The following CSMD1 variants were observed in gnomAD, a reference collection of about 807,000 sequenced individuals.
CSMD1 encodes the protein CUB and sushi domain-containing protein 1.
Under a neutral mutation model 417.5 loss-of-function variants are expected in CSMD1, and 213 were observed. The observed-to-expected ratio is 0.51, with a 90% CI of 0.46 to 0.57. CSMD1 has a LOEUF of 0.57. Ranked by LOEUF, CSMD1 falls within the 20% of genes least tolerant of loss-of-function variation. CSMD1 has a pLI of 0.00. For missense variants in CSMD1, 6,923 were observed against 4,529.7 expected, an observed-to-expected ratio of 1.53 and a Z score of -15.17; for synonymous variants, 2,862 against 1,736.8, an observed-to-expected ratio of 1.65 and a Z score of -16.11.
At chr8:3,875,215 G>C (rs541820193) in intron 5 of CSMD1, among the ~76,000 whole-genome samples, 19 of 152,248 alleles carry the variant, frequency 1.2e-4, no homozygotes, top group African/African-American at 4.6e-4. Flanking sequence ...CCATTCGGGA[G>C]CCACCACAAT....
At chr8:4,795,252 CTTTTTTTTT>C (rs571984359) in intron 1 of CSMD1, among the ~76,000 whole-genome samples, 1,325 of 46,226 alleles carry the variant, frequency 0.029, 167 homozygotes, top group African/African-American at 0.09. Context: ...GGTGTCATAG[CTTTTTTTTT>C]TTTTTTTTTT....
chr8:3,656,410 T>C, intron 7 of CSMD1, among the ~76,000 whole-genome samples: 1 of 152,156 alleles, frequency 6.6e-6, no homozygotes, highest in East Asian at 1.9e-4. Context: ...TCTCAGTGCA[T>C]CACCTATACA....
intron 1 of CSMD1, among the ~76,000 whole-genome samples, chr8:4,641,149 T>C (rs77009850): frequency 6.6e-6 from 1 of 151,398 alleles, no homozygotes; most frequent in African/African-American, 2.4e-5. Context: ...GATACCAAAA[T>C]ACACATCACA....
chr8:3,170,611 C>T (rs1395042636), intron 37 of CSMD1, among the ~76,000 whole-genome samples: 1 of 152,188 alleles, frequency 6.6e-6, no homozygotes, highest in Non-Finnish European at 1.5e-5. Flanking sequence ...CATTCTGTAG[C>T]ATGAGCTCCT....
intron 26 of CSMD1, among the ~76,000 whole-genome samples, chr8:3,270,285 T>G (rs1387899579): frequency 6.6e-6 from 1 of 152,146 alleles, no homozygotes; most frequent in Non-Finnish European, 1.5e-5. Context: ...CTTGAACTCC[T>G]GACCTTGTGA....
intron 21 of CSMD1, among the ~76,000 whole-genome samples, chr8:3,353,803 A>C (rs1055121616): frequency 1.3e-5 from 2 of 152,254 alleles, no homozygotes; most frequent in African/African-American, 4.8e-5. Flanking sequence ...TTTTATAAAA[A>C]AGCTACTGAA....
intron 1 of CSMD1, among the ~76,000 whole-genome samples, chr8:4,911,444 C>T (rs1407243569): frequency 1.3e-5 from 2 of 152,134 alleles, no homozygotes; most frequent in Non-Finnish European, 2.9e-5. Context: ...TTCCAGGTCC[C>T]ATGAATACAC....
rs998974002 is a variant in CSMD1, at chr8:3,406,506, A to C, written c.2072-285T>G. ...AGGAGCTTAGACAAAGAGAGAACTG[A>C]TATGGTGGGTGGTAGAAAGTGTCTG... is the stretch of plus-strand genomic sequence containing the variant. On this transcript the variant is annotated intron_variant, in intron 14 of 69. Coordinates refer to ENST00000635120, the MANE Select transcript of CSMD1 (RefSeq NM_033225.6). Among the ~76,000 whole-genome samples the C allele has an allele frequency of 2.0e-5, 3 of 152,126 alleles. No homozygotes were observed. The East Asian group carries it at 5.8e-4, about 29-fold the overall frequency.
At position 4,032,027 on chromosome 8, in the gene CSMD1, A is replaced by T. The variant is rs539022079; in HGVS notation, c.488T>A (p.Ile163Lys). Residue 163 changes from isoleucine (I) to lysine (K), a missense_variant, in exon 4 of 70, where the codon ATA becomes AAA. Ile to Lys is a moderately radical substitution (Grantham distance 102). Coordinates refer to ENST00000635120, the MANE Select transcript of CSMD1 (RefSeq NM_033225.6). ...GCAGCTGTACCGGATTTTGTCTCCT[A>T]TGTTGAATCTCGTTCCATGCAGAAC... ...KGVLHGTRFN[I>K]GDKIRYSCLP... The T allele has an allele frequency of 7.4e-6, 12 of 1,613,932 alleles. No individual in the cohort carries two copies. The highest frequency in any genetic ancestry group is 9.3e-6 in the Non-Finnish European group (11 of 1,179,842).
chr8:4,381,446 G>T lies in CSMD1; in HGVS notation c.415+38507C>A, dbSNP rs375243861. 2.6e-5 allele frequency among the ~76,000 whole-genome samples: 4 copies of T among 152,240 alleles called. No individual in the cohort carries two copies. The South Asian group carries it at 8.3e-4, about 32-fold the overall frequency. On this transcript the variant is annotated intron_variant, in intron 3 of 69. Coordinates refer to ENST00000635120, the MANE Select transcript of CSMD1 (RefSeq NM_033225.6). ...AAAACCCATTGAAAAGGGGGTGGGG[G>T]CTGGTGCCGACGTGTGCTAAAGATC... is the stretch of plus-strand genomic sequence containing the variant.
rs574686358 is a variant in CSMD1, at chr8:4,723,949, G to A, written c.86-86391C>T. On this transcript the variant is annotated intron_variant, in intron 1 of 69. Coordinates refer to ENST00000635120, the MANE Select transcript of CSMD1 (RefSeq NM_033225.6). Reference sequence around the variant, plus strand: ...AAACATACTTTGAGTAACTTGCCTAGATAAGTGCATCCAATCTCGGGCAGA... The same window carrying A: ...AAACATACTTTGAGTAACTTGCCTAAATAAGTGCATCCAATCTCGGGCAGA... 9.2e-5 allele frequency among the ~76,000 whole-genome samples: 14 copies of A among 152,156 alleles called. No individual in the cohort carries two copies. The South Asian group carries it at 1.9e-3, about 20-fold the overall frequency.
At chr8:4,518,633 G>T (rs576710332) in intron 2 of CSMD1, among the ~76,000 whole-genome samples, 1 of 140,362 alleles carries the variant, frequency 7.1e-6, no homozygotes, top group Non-Finnish European at 1.6e-5. Flanking sequence ...GGGGGCGGGG[G>T]GAGGAATCGC....
intron 50 of CSMD1, among the ~76,000 whole-genome samples, chr8:3,033,952 T>C (rs1364270164): frequency 2.0e-5 from 3 of 152,130 alleles, no homozygotes; most frequent in Non-Finnish European, 2.9e-5. Flanking sequence ...GCAGCCTTGC[T>C]TCAGCCCATC....
At chr8:4,649,644 T>A (rs933957242) in intron 1 of CSMD1, among the ~76,000 whole-genome samples, 2 of 152,220 alleles carry the variant, frequency 1.3e-5, no homozygotes, top group Non-Finnish European at 2.9e-5. Flanking sequence ...TTTTAAGAAC[T>A]CTTCTACTCC....
intron 3 of CSMD1, among the ~76,000 whole-genome samples, chr8:4,304,835 T>C (rs368267109): frequency 6.6e-6 from 1 of 152,224 alleles, no homozygotes; most frequent in East Asian, 1.9e-4. Context: ...CACTGAACTT[T>C]TGTCTTGAGA....
chr8:3,758,222 C>T (rs1797777398), intron 5 of CSMD1, among the ~76,000 whole-genome samples: 1 of 152,168 alleles, frequency 6.6e-6, no homozygotes, highest in African/African-American at 2.4e-5. Flanking sequence ...CATCATCTTC[C>T]CAGAGTGCTA....
intron 26 of CSMD1, among the ~76,000 whole-genome samples, chr8:3,270,028 G>C (rs921114933): frequency 6.1e-5 from 9 of 147,542 alleles, no homozygotes; most frequent in South Asian, 2.2e-4. Context: ...GATGAGCAAG[G>C]ACTTTCTCTA....
At position 3,746,138 on chromosome 8, in the gene CSMD1, G is replaced by C. The variant is rs186442672; in HGVS notation, c.931+7792C>G. ...CCAACGATATTGCCTGCATGAGACA[G>C]AGAACATGAAGAATAAGAGCAGCTC... On this transcript the variant is annotated intron_variant, in intron 6 of 69. Coordinates refer to ENST00000635120, the MANE Select transcript of CSMD1 (RefSeq NM_033225.6). 3.0e-4 allele frequency among the ~76,000 whole-genome samples: 45 copies of C among 152,326 alleles called. No homozygotes were observed. The East Asian group carries it at 6.0e-3, about 20-fold the overall frequency.
chr8:3,366,944 ACACACACACACACC>A, intron 20 of CSMD1, 74 bp downstream of exon 20: 2 of 995,842 alleles, frequency 2.0e-6, no homozygotes, highest in Non-Finnish European at 3.1e-6. Flanking sequence ...CACACATTAC[ACACACACACACACC>A]CACACACATT....
Sources: allele counts gnomAD v4.1 joint callset (sites outside exome capture counted in the v4.1 genomes callset), GRCh38; gene constraint gnomAD v4.1.1; transcripts MANE v1.5; gene names NCBI Gene and HGNC (gene_info 2026-07-23, HGNC 2026-07-21).